The following STXBP5L variants were observed in gnomAD, a reference collection of about 807,000 sequenced individuals.
STXBP5L encodes syntaxin-binding protein 5-like.
STXBP5L carries 65 observed loss-of-function variants against 144.5 expected under a neutral mutation model. The ratio of observed to expected loss-of-function variants is 0.45; its 90% CI spans 0.37 to 0.55. The LOEUF (loss-of-function observed/expected upper bound fraction) is 0.55. STXBP5L is among the 20% of genes least tolerant of loss of function. STXBP5L has a pLI of 0.00. For synonymous variants in STXBP5L, 505 were observed against 469.6 expected, an observed-to-expected ratio of 1.08 and a Z score of -0.97; for missense variants, 1,298 against 1,405.5, an observed-to-expected ratio of 0.92 and a Z score of 1.22.
At chr3:121,085,788 A>G (rs1003953834) in intron 5 of STXBP5L, among the ~76,000 whole-genome samples, 1 of 152,198 alleles carries the variant, frequency 6.6e-6, no homozygotes, top group African/African-American at 2.4e-5. Context: ...CCATTAAACT[A>G]TTATTGACAT....
At chr3:121,229,151 A>G (rs2049220002) in intron 11 of STXBP5L, among the ~76,000 whole-genome samples, 1 of 152,180 alleles carries the variant, frequency 6.6e-6, no homozygotes, top group African/African-American at 2.4e-5. Flanking sequence ...TTCTTAAGTA[A>G]CCAGTTATAT....
At chr3:121,135,978 G>A (rs1577040230) in intron 7 of STXBP5L, among the ~76,000 whole-genome samples, 2 of 152,248 alleles carry the variant, frequency 1.3e-5, no homozygotes, top group East Asian at 3.9e-4. Flanking sequence ...CATGGCCATG[G>A]TGGAATGAAC....
At chr3:121,360,882 T>C (rs1166675732) in intron 20 of STXBP5L, among the ~76,000 whole-genome samples, 2 of 152,162 alleles carry the variant, frequency 1.3e-5, no homozygotes, top group Non-Finnish European at 2.9e-5. Context: ...CTATTACCAG[T>C]AAGTTTTGTA....
chr3:121,198,115 G>A (rs996337680), intron 9 of STXBP5L, among the ~76,000 whole-genome samples: 3 of 151,452 alleles, frequency 2.0e-5, no homozygotes, highest in Non-Finnish European at 2.9e-5. Context: ...GCCACCAACA[G>A]TGTAAAAGCA....
chr3:121,031,342 C>T (rs1380350022), intron 3 of STXBP5L, among the ~76,000 whole-genome samples: 2 of 151,848 alleles, frequency 1.3e-5, no homozygotes, highest in African/African-American at 2.4e-5. Context: ...CTATTGGCAA[C>T]CAATAGGATG....
intron 3 of STXBP5L, among the ~76,000 whole-genome samples, chr3:121,001,597 G>A (rs1272281317): frequency 6.6e-6 from 1 of 152,172 alleles, no homozygotes; most frequent in Non-Finnish European, 1.5e-5. Flanking sequence ...AGCTCATGGA[G>A]TCTCCTGCAT....
intron 5 of STXBP5L, among the ~76,000 whole-genome samples, chr3:121,078,581 G>C (rs144438157): frequency 1.3e-5 from 2 of 152,240 alleles, no homozygotes; most frequent in Non-Finnish European, 1.5e-5. Flanking sequence ...ATGGAGCAGG[G>C]GGTGGTGCTC....
At chr3:121,254,380 A>G (rs1444417347) in intron 15 of STXBP5L, among the ~76,000 whole-genome samples, 1 of 152,112 alleles carries the variant, frequency 6.6e-6, no homozygotes, top group Admixed American at 6.6e-5. Context: ...AGATTCTTGG[A>G]CTCCCAATAT....
chr3:121,062,030 C>A (rs1392506811), intron 5 of STXBP5L, among the ~76,000 whole-genome samples: 1 of 152,150 alleles, frequency 6.6e-6, no homozygotes, highest in South Asian at 2.1e-4. Context: ...GTTATTTTTC[C>A]TGTTAGTTGA....
Position 121,345,591 on chromosome 3 carries a change from T to C in STXBP5L, c.2176+27051T>C, listed in dbSNP as rs982002538. ...TTCTTGAGGGATCACCACACTGTCT[T>C]CCACAATGGTTGAACTAATTTACAC... On this transcript the variant is annotated intron_variant, in intron 20 of 26. Coordinates refer to ENST00000471454, the MANE Select transcript of STXBP5L (RefSeq NM_001308330.2). 3.3e-4 allele frequency among the ~76,000 whole-genome samples: 50 copies of C among 152,070 alleles called. 2 individuals are homozygous for C. The highest frequency in any genetic ancestry group is 3.2e-3 in the Admixed American group (48 of 15,238).
intron 5 of STXBP5L, among the ~76,000 whole-genome samples, chr3:121,046,857 A>T (rs1242750458): frequency 2.0e-5 from 3 of 151,318 alleles, no homozygotes; most frequent in Non-Finnish European, 4.4e-5. Context: ...AGTTTCCTTC[A>T]TTTCAGCTCT....
chr3:121,070,460 T>C (rs1275133913), intron 5 of STXBP5L, among the ~76,000 whole-genome samples: 1 of 152,200 alleles, frequency 6.6e-6, no homozygotes, highest in East Asian at 1.9e-4. Flanking sequence ...TGTCACACTT[T>C]GCAGCAACTT....
intron 3 of STXBP5L, among the ~76,000 whole-genome samples, chr3:120,968,691 C>A (rs1196215290): frequency 6.6e-6 from 1 of 151,834 alleles, no homozygotes; most frequent in Non-Finnish European, 1.5e-5. Context: ...TATACTATAC[C>A]CAATATATAG....
At chr3:121,218,408 A>G (rs2048869749) in intron 10 of STXBP5L, among the ~76,000 whole-genome samples, 1 of 148,326 alleles carries the variant, frequency 6.7e-6, no homozygotes, top group Non-Finnish European at 1.5e-5. Context: ...AGTAGTTATT[A>G]CTATATTACT....
At chr3:121,279,120 GAGAAAAATA>G in intron 18 of STXBP5L, among the ~76,000 whole-genome samples, 1 of 151,744 alleles carries the variant, frequency 6.6e-6, no homozygotes, top group Non-Finnish European at 1.5e-5. Context: ...ATTGTAAATG[GAGAAAAATA>G]AGAGTTAATG....
intron 5 of STXBP5L, among the ~76,000 whole-genome samples, chr3:121,086,348 T>C (rs2042492781): frequency 6.6e-6 from 1 of 152,156 alleles, no homozygotes; most frequent in South Asian, 2.1e-4. Flanking sequence ...ATTATCATGT[T>C]TTGGTCAATG....
chr3:121,032,266 A>C (rs757535067), intron 3 of STXBP5L, among the ~76,000 whole-genome samples: 19 of 151,912 alleles, frequency 1.3e-4, no homozygotes, highest in African/African-American at 2.2e-4. Flanking sequence ...AAAAAAAGAA[A>C]TTGGAGAGTC....
At chr3:121,363,918 A>G (rs1378228712) in intron 20 of STXBP5L, among the ~76,000 whole-genome samples, 1 of 152,102 alleles carries the variant, frequency 6.6e-6, no homozygotes, top group African/African-American at 2.4e-5. Context: ...AGTTCTTTAT[A>G]TATTCCAGAT....
At chr3:121,069,194 C>G (rs1388027371) in intron 5 of STXBP5L, among the ~76,000 whole-genome samples, 1 of 152,176 alleles carries the variant, frequency 6.6e-6, no homozygotes, top group African/African-American at 2.4e-5. Context: ...ATTCACTAAT[C>G]TGCTCTCCAT....
Sources: allele counts gnomAD v4.1 joint callset (sites outside exome capture counted in the v4.1 genomes callset), GRCh38; gene constraint gnomAD v4.1.1; transcripts MANE v1.5; gene names NCBI Gene and HGNC (gene_info 2026-07-23, HGNC 2026-07-21).